The following DNAH14 variants were observed in gnomAD, a reference collection of about 807,000 sequenced individuals.
The protein encoded by DNAH14 is axonemal beta dynein heavy chain 14.
DNAH14 carries 478 observed loss-of-function variants against 520.9 expected under a neutral mutation model. The ratio of observed to expected loss-of-function variants is 0.92; its 90% CI spans 0.85 to 0.99. The LOEUF is 0.99. Among genes scored for constraint, DNAH14 ranks in the 50% least tolerant of loss-of-function variants. The pLI is 0.00. For synonymous variants in DNAH14, 1,581 were observed against 1,757.2 expected (o/e 0.90, Z 2.51); for missense variants, 4,831 against 5,234.5 (o/e 0.92, Z 2.38).
intron 17 of DNAH14, among the ~76,000 whole-genome samples, chr1:225,054,236 C>T (rs2068821831): frequency 6.6e-6 from 1 of 152,304 alleles, no homozygotes; most frequent in South Asian, 2.1e-4. Context: ...CAGCTAATTA[C>T]ATACCCACCT....
intron 43 of DNAH14, among the ~76,000 whole-genome samples, chr1:225,244,389 C>T (rs543295672): frequency 6.6e-6 from 1 of 152,280 alleles, no homozygotes; most frequent in African/African-American, 2.4e-5. Flanking sequence ...CAAGGAGTCC[C>T]TCTTTTTCTA....
At chr1:225,372,167 C>T (rs1007650510) in intron 77 of DNAH14, among the ~76,000 whole-genome samples, 4 of 152,046 alleles carry the variant, frequency 2.6e-5, no homozygotes, top group Non-Finnish European at 5.9e-5. Flanking sequence ...ACTATCAATT[C>T]TTCCAAAATT....
chr1:225,268,927 C>T (rs2093217515), intron 49 of DNAH14, among the ~76,000 whole-genome samples: 1 of 152,164 alleles, frequency 6.6e-6, no homozygotes, highest in Non-Finnish European at 1.5e-5. Context: ...AGATTCAATG[C>T]CATCCCCATC....
rs115257837 is a variant in DNAH14, at chr1:225,335,583, G to A, written c.10081-1683G>A. ...TACATCTATGTATATACGCATATGT[G>A]CATATATGTATATACGCATACGTAT... On this transcript the variant is annotated intron_variant, in intron 66 of 85. Transcript: ENST00000682510. Among the ~76,000 whole-genome samples the A allele has an allele frequency of 2.7e-3, 164 of 61,482 alleles. 6 individuals carry two copies. Among genetic ancestry groups the A allele is most frequent in the South Asian group, 4.0e-3 (8 of 2,000 alleles). The allele number at this position is 61,482 out of a possible 152,430, so 40.3% of individuals were successfully genotyped here. A position where few individuals can be genotyped will look rare whatever the true frequency, so the allele number is the denominator to read the frequency against.
chr1:225,031,795 A>AACATTTT (rs1235511188), intron 11 of DNAH14, among the ~76,000 whole-genome samples: 4 of 152,100 alleles, frequency 2.6e-5, no homozygotes, highest in African/African-American at 9.7e-5. Context: ...AAGACATTAA[A>AACATTTT]AGTATTGTTT....
At chr1:225,228,542 T>A (rs1423694608) in intron 41 of DNAH14, among the ~76,000 whole-genome samples, 1 of 152,038 alleles carries the variant, frequency 6.6e-6, no homozygotes, top group African/African-American at 2.4e-5. Context: ...TAGATCTACA[T>A]GCCCAACAAA....
intron 17 of DNAH14, among the ~76,000 whole-genome samples, chr1:225,078,000 T>G (rs2072505692): frequency 6.6e-6 from 1 of 152,158 alleles, no homozygotes; most frequent in African/African-American, 2.4e-5. Flanking sequence ...CATACCAAAA[T>G]TACATAAAAT....
intron 66 of DNAH14, among the ~76,000 whole-genome samples, chr1:225,335,998 CAT>C (rs1181059167): frequency 3.6e-5 from 3 of 84,296 alleles, no homozygotes; most frequent in African/African-American, 9.8e-5. Flanking sequence ...CACACATATG[CAT>C]ATATGTATAC....
chr1:225,090,740 T>C (rs935896639), intron 21 of DNAH14, among the ~76,000 whole-genome samples: 2 of 152,148 alleles, frequency 1.3e-5, no homozygotes, highest in East Asian at 3.8e-4. Context: ...AAAAGGATTA[T>C]GGACCTAAAT....
intron 8 of DNAH14, among the ~76,000 whole-genome samples, chr1:224,985,530 A>G (rs1255501338): frequency 6.6e-6 from 1 of 151,856 alleles, no homozygotes. Context: ...CTGCTCAGGC[A>G]ATGGGTGCAC....
intron 22 of DNAH14, 60 bp from the exon 23 acceptor site, chr1:225,100,653 A>T: frequency 1.5e-6 from 2 of 1,299,696 alleles, no homozygotes; most frequent in Non-Finnish European, 2.0e-6. Flanking sequence ...GCATTACATT[A>T]TAGATTTTAA....
Position 225,335,621 on chromosome 1 carries a change from G to A in DNAH14, c.10081-1645G>A, listed in dbSNP as rs62644183. Among the ~76,000 whole-genome samples the A allele has an allele frequency of 7.3e-4, 58 of 79,158 alleles. 6 individuals carry two copies. The highest frequency in any genetic ancestry group is 8.8e-4 in the African/African-American group (16 of 18,268). The allele number at this position is 79,158 out of a possible 152,430, so 51.9% of individuals were successfully genotyped here. A position where few individuals can be genotyped will look rare whatever the true frequency, so the allele number is the denominator to read the frequency against. On this transcript the variant is annotated intron_variant, in intron 66 of 85. Coordinates refer to ENST00000682510, the MANE Select transcript of DNAH14 (RefSeq NM_001367479.1). ...TACGCATACGTATATGTGTATATACGCATATATACATATGTGCATATATGT... is the reference window on the plus strand; with the variant it reads ...TACGCATACGTATATGTGTATATACACATATATACATATGTGCATATATGT...
intron 17 of DNAH14, among the ~76,000 whole-genome samples, chr1:225,061,568 G>GT (rs1486088649): frequency 6.6e-6 from 1 of 152,228 alleles, no homozygotes; most frequent in Non-Finnish European, 1.5e-5. Flanking sequence ...CAGTACCTCA[G>GT]TTGGAAATGC....
chr1:225,153,152 C>T (rs34517951), intron 33 of DNAH14, among the ~76,000 whole-genome samples: 19,430 of 152,050 alleles, frequency 0.13, 1,401 homozygotes, highest in East Asian at 0.31. Flanking sequence ...TTTTAAATTA[C>T]GGACTATTTT....
Position 225,300,954 on chromosome 1 carries a change from C to G in DNAH14, c.8555C>G (p.Ala2852Gly). 1.9e-6 allele frequency: 3 copies of G among 1,551,308 alleles called. No homozygotes were observed. Among genetic ancestry groups the G allele is most frequent in the Non-Finnish European group, 2.6e-6 (3 of 1,146,808 alleles). Residue 2852 changes from alanine to glycine, a missense_variant, in exon 56 of 86, where the codon GCA (alanine) becomes GGA (glycine). Coordinates refer to ENST00000682510, the MANE Select transcript of DNAH14 (RefSeq NM_001367479.1). Reference protein sequence around the residue: ...LFENVELDSIAMKIRYLTEQS... With the variant: ...LFENVELDSIGMKIRYLTEQS... ...GAAAATGTTGAGCTGGATTCTATTG[C>G]AATGAAAATCAGATATCTTACTGAA...
chr1:225,179,388 A>C (rs1006910388), intron 36 of DNAH14, among the ~76,000 whole-genome samples: 28 of 152,246 alleles, frequency 1.8e-4, no homozygotes, highest in African/African-American at 6.7e-4. Flanking sequence ...GTGTATCTAT[A>C]ATAGGTTTTT....
chr1:225,392,846 A>G (rs772168314), intron 84 of DNAH14, among the ~76,000 whole-genome samples: 123 of 152,326 alleles, frequency 8.1e-4, no homozygotes, highest in Non-Finnish European at 1.6e-3. Flanking sequence ...GAGCTCAGCC[A>G]GGTGCTAAGT....
intron 75 of DNAH14, 80 bp downstream of exon 75, chr1:225,360,971 C>CAT: frequency 7.7e-7 from 1 of 1,304,780 alleles, no homozygotes; most frequent in Non-Finnish European, 1.1e-6. Context: ...TCAATGTATA[C>CAT]TGTGTGTAAA....
At chr1:225,185,559 T>A in intron 37 of DNAH14, 134 bp downstream of exon 37, 4 of 904,288 alleles carry the variant, frequency 4.4e-6, no homozygotes, top group Non-Finnish European at 6.2e-6. Context: ...TAGTTAAGAA[T>A]CATAATGAGT....
Sources: allele counts gnomAD v4.1 joint callset (sites outside exome capture counted in the v4.1 genomes callset), GRCh38; gene constraint gnomAD v4.1.1; transcripts MANE v1.5; gene names NCBI Gene and HGNC (gene_info 2026-07-23, HGNC 2026-07-21).